Variants in CHD9 observed in about 807,000 individuals in gnomAD.
CHD9 encodes the protein ATP-dependent chromatin remodeler CHD9.
A neutral mutation model predicts 316.1 loss-of-function variants in CHD9; 77 were observed. The observed-to-expected ratio is 0.24, with a 90% CI of 0.20 to 0.29. CHD9 has a LOEUF of 0.29. Ranked by LOEUF, CHD9 falls within the 10% of genes least tolerant of loss-of-function variation. The pLI, the probability that CHD9 is intolerant of heterozygous loss-of-function variation, is 1.00. For missense variants in CHD9, 2,763 were observed against 3,438.1 expected, an observed-to-expected ratio of 0.80 and a Z score of 4.91; for synonymous variants, 1,129 against 1,158.3, an observed-to-expected ratio of 0.97 and a Z score of 0.51.
At chr16:53,198,990 T>G (rs1389628340) in intron 2 of CHD9, among the ~76,000 whole-genome samples, 1 of 152,088 alleles carries the variant, frequency 6.6e-6, no homozygotes, top group African/African-American at 2.4e-5. Context: ...ATATAGCAGA[T>G]GAAGATCTCT....
At position 53,293,020 on chromosome 16, in the gene CHD9, T is replaced by G. The variant is rs780420185; in HGVS notation, c.5478T>G (p.Pro1826=). ...QPIYEEATLN[P]KMAAKIERQQ... is the part of the protein sequence containing the mutation. ...TTTATGAGGAAGCCACTCTTAATCCTAAAATGGCAGCCAAGATAGAAAGAC... is the reference window on the plus strand; with the variant it reads ...TTTATGAGGAAGCCACTCTTAATCCGAAAATGGCAGCCAAGATAGAAAGAC... Residue 1826 remains proline (P), a synonymous_variant, in exon 29 of 39, where the codon CCT becomes CCG. Transcript: ENST00000447540. 3 of 1,613,676 alleles carry G rather than the reference T, an allele frequency of 1.9e-6. No individual in the cohort carries two copies. The Admixed American group carries it at 5.0e-5, about 27-fold the overall frequency.
intron 34 of CHD9, chr16:53,312,101 G>C (rs192277945): frequency 7.2e-5 from 11 of 152,236 alleles, no homozygotes; most frequent in Admixed American, 7.2e-4. Context: ...TAGTCAAATA[G>C]AATATGTTTG....
intron 16 of CHD9, among the ~76,000 whole-genome samples, chr16:53,248,418 T>C (rs1054563570): frequency 3.3e-5 from 5 of 151,972 alleles, no homozygotes; most frequent in African/African-American, 1.2e-4. Flanking sequence ...ACCATTAGGA[T>C]TCCATCTGAT....
At chr16:53,222,137 T>C (rs111532765) in intron 3 of CHD9, among the ~76,000 whole-genome samples, 47,160 of 151,816 alleles carry the variant, frequency 0.31, 7,476 homozygotes, top group Middle Eastern at 0.39. Context: ...AGTGCAATGG[T>C]GCGGTCTTGG....
intron 1 of CHD9, among the ~76,000 whole-genome samples, chr16:53,075,923 T>C (rs568861067): frequency 6.6e-6 from 1 of 152,332 alleles, no homozygotes; most frequent in Admixed American, 6.5e-5. Context: ...TCACCAACAC[T>C]TGTTATTTTC....
intron 1 of CHD9, among the ~76,000 whole-genome samples, chr16:53,120,568 G>A (rs1298894493): frequency 5.3e-5 from 8 of 152,104 alleles, no homozygotes; most frequent in African/African-American, 9.7e-5. Context: ...AGCCGAGATC[G>A]CACCATTGCA....
At chr16:53,275,023 T>A (rs2052669537) in intron 24 of CHD9, among the ~76,000 whole-genome samples, 1 of 151,968 alleles carries the variant, frequency 6.6e-6, no homozygotes. Flanking sequence ...GATTTTTTAT[T>A]TATTTGTTTG....
intron 1 of CHD9, among the ~76,000 whole-genome samples, chr16:53,155,365 G>C (rs1471016557): frequency 2.6e-5 from 4 of 151,694 alleles, no homozygotes; most frequent in Admixed American, 6.6e-5. Context: ...TGAGACTACA[G>C]GTACACACCA....
At chr16:53,082,622 C>T (rs1237955248) in intron 1 of CHD9, among the ~76,000 whole-genome samples, 3 of 152,226 alleles carry the variant, frequency 2.0e-5, no homozygotes, top group Non-Finnish European at 4.4e-5. Context: ...ATAGCCACTG[C>T]CCTGTTGGTC....
At position 53,168,306 on chromosome 16, in the gene CHD9, A is replaced by C. The variant is rs183347687; in HGVS notation, c.1452+10765A>C. ...TTGAACTCCTGACCTCAGGGGATCC[A>C]CCTGCTTTGGCCTCCCAAAGTGCTG... On this transcript the variant is annotated intron_variant, in intron 2 of 38. Coordinates refer to ENST00000447540, the MANE Select transcript of CHD9 (RefSeq NM_001308319.2). 1.2e-4 allele frequency among the ~76,000 whole-genome samples: 19 copies of C among 152,120 alleles called. No individual in the cohort carries two copies. The East Asian group carries it at 3.3e-3, about 26-fold the overall frequency.
chr16:53,249,582 T>A (rs1206096756), intron 16 of CHD9, among the ~76,000 whole-genome samples: 2 of 152,184 alleles, frequency 1.3e-5, no homozygotes, highest in Non-Finnish European at 2.9e-5. Flanking sequence ...GCAAAGCAGT[T>A]TTTATAGACT....
At chr16:53,177,042 G>A (rs904817683) in intron 2 of CHD9, among the ~76,000 whole-genome samples, 2 of 152,088 alleles carry the variant, frequency 1.3e-5, no homozygotes, top group African/African-American at 4.8e-5. Context: ...TGCAGCCTCC[G>A]CCTCCCAGGT....
chr16:53,068,470 C>G (rs577086312), intron 1 of CHD9, among the ~76,000 whole-genome samples: 28 of 152,142 alleles, frequency 1.8e-4, no homozygotes, highest in Non-Finnish European at 3.7e-4. Flanking sequence ...AAACACAGGG[C>G]CCGCTAAAGT....
rs146820486 is a variant in CHD9 at position 53,180,877 on chromosome 16, G to A, written c.1452+23336G>A. Among the ~76,000 whole-genome samples, 468 of 151,154 alleles carry A rather than the reference G, an allele frequency of 3.1e-3. 6 individuals carry two copies. Among genetic ancestry groups the A allele is most frequent in the African/African-American group, 0.011 (452 of 41,132 alleles). ...TTTTTAATGGAGACGGGGTTTCACC[G>A]TGTTAGCCAGGTTGGTCTCAATCTC... On this transcript the variant is annotated intron_variant, in intron 2 of 38. Transcript: ENST00000447540.
chr16:53,093,885 G>C (rs1056807297), intron 1 of CHD9, among the ~76,000 whole-genome samples: 3 of 152,132 alleles, frequency 2.0e-5, no homozygotes, highest in Non-Finnish European at 4.4e-5. Flanking sequence ...TGACCCACCA[G>C]CAGAAGCACA....
intron 1 of CHD9, among the ~76,000 whole-genome samples, chr16:53,155,212 T>C (rs2041424445): frequency 6.6e-6 from 1 of 152,262 alleles, no homozygotes; most frequent in South Asian, 2.1e-4. Context: ...GGTAATTAGA[T>C]TGAATAAAAT....
At chr16:53,096,683 T>G (rs758068870) in intron 1 of CHD9, among the ~76,000 whole-genome samples, 23 of 152,200 alleles carry the variant, frequency 1.5e-4, no homozygotes, top group Admixed American at 1.4e-3. Flanking sequence ...CACTGTGTTA[T>G]TCTCTTTCAT....
chr16:53,055,501 C>CCCG (rs1555511584), intron 1 of CHD9, among the ~76,000 whole-genome samples: 1 of 151,516 alleles, frequency 6.6e-6, no homozygotes, highest in Non-Finnish European at 1.5e-5. Context: ...CCCGCCCCCC[C>CCCG]CCAGAGACTC....
chr16:53,103,066 C>T (rs1262080209), intron 1 of CHD9, among the ~76,000 whole-genome samples: 2 of 151,040 alleles, frequency 1.3e-5, no homozygotes, highest in Admixed American at 6.6e-5. Context: ...AGGATGGTCT[C>T]GATCTCCTGA....
Sources: gnomAD v4.1 joint callset for allele counts (sites outside exome capture counted in the v4.1 genomes callset) on GRCh38, gnomAD v4.1.1 for gene constraint, MANE v1.5 for transcripts, NCBI Gene and HGNC (gene_info 2026-07-23, HGNC 2026-07-21) for gene names.